The following MAN2A1 variants were observed in gnomAD, a reference collection of about 807,000 sequenced individuals.
MAN2A1 encodes alpha-mannosidase 2.
MAN2A1 carries 76 observed loss-of-function variants against 142.6 expected under a neutral mutation model. The ratio of observed to expected loss-of-function variants is 0.53; its 90% CI spans 0.44 to 0.65. MAN2A1 has a LOEUF of 0.65. Among genes scored for constraint, MAN2A1 ranks in the 30% least tolerant of loss-of-function variants. The pLI, the probability that MAN2A1 is intolerant of heterozygous loss-of-function variation, is 0.00. For synonymous variants in MAN2A1, 559 were observed against 473.2 expected (o/e 1.18, Z -2.35); for missense variants, 1,311 against 1,365.1 (o/e 0.96, Z 0.62).
chr5:109,724,207 C>A (rs1003257376), intron 3 of MAN2A1, among the ~76,000 whole-genome samples: 1 of 151,854 alleles, frequency 6.6e-6, no homozygotes, highest in Non-Finnish European at 1.5e-5. Context: ...GAAACCTGTT[C>A]GTCATTTTTT....
intron 21 of MAN2A1, among the ~76,000 whole-genome samples, chr5:109,866,359 C>T (rs1204831107): frequency 6.6e-6 from 1 of 152,110 alleles, no homozygotes; most frequent in Non-Finnish European, 1.5e-5. Flanking sequence ...ATGATCCCTC[C>T]TTGTAGTGAG....
chr5:109,802,095 T>C (rs1195556354), intron 12 of MAN2A1, among the ~76,000 whole-genome samples: 2 of 152,206 alleles, frequency 1.3e-5, no homozygotes, highest in Admixed American at 6.5e-5. Flanking sequence ...GTTCATATTT[T>C]CTTGCCTCTT....
chr5:109,727,229 T>G (rs1210032599), intron 3 of MAN2A1, among the ~76,000 whole-genome samples: 1 of 152,186 alleles, frequency 6.6e-6, no homozygotes, highest in Non-Finnish European at 1.5e-5. Flanking sequence ...ATTTGTTTTT[T>G]TCACAGTTCG....
intron 16 of MAN2A1, among the ~76,000 whole-genome samples, chr5:109,833,142 C>T (rs149589042): frequency 0.31 from 46,062 of 150,058 alleles, 7,424 homozygotes; most frequent in East Asian, 0.64. Context: ...CCTCACTTCC[C>T]AGAGGGGATG....
Position 109,818,296 on chromosome 5 carries a change from G to A in MAN2A1, c.2109+858G>A, listed in dbSNP as rs1580283736. Among the ~76,000 whole-genome samples the A allele has an allele frequency of 3.9e-5, 6 of 151,996 alleles. No homozygotes were observed. The South Asian group carries it at 1.0e-3, about 26-fold the overall frequency. The stretch of plus-strand genomic sequence containing the variant: ...TGGGATTACAGGCATGTGCCACCAC[G>A]CCTGGCTAATTTTGTATTTTTAGTA... On this transcript the variant is annotated intron_variant, in intron 13 of 21. Transcript: ENST00000261483.
intron 4 of MAN2A1, among the ~76,000 whole-genome samples, chr5:109,738,317 G>T (rs572605546): frequency 3.4e-5 from 5 of 147,672 alleles, no homozygotes; most frequent in Admixed American, 1.4e-4. Flanking sequence ...GACACTTCCC[G>T]AACGTCTACT....
chr5:109,833,196 G>A (rs1190061299), intron 16 of MAN2A1, among the ~76,000 whole-genome samples: 4 of 151,650 alleles, frequency 2.6e-5, no homozygotes, highest in East Asian at 3.9e-4. Flanking sequence ...CTGGGCGGCC[G>A]GGCAGAGGGG....
intron 8 of MAN2A1, among the ~76,000 whole-genome samples, chr5:109,779,570 C>A (rs935862891): frequency 9.8e-6 from 1 of 101,526 alleles, no homozygotes; most frequent in Non-Finnish European, 2.0e-5. Flanking sequence ...CGCGTGCACA[C>A]ACACACACAC....
chr5:109,697,745 A>G (rs11958013), intron 1 of MAN2A1, among the ~76,000 whole-genome samples: 2,151 of 152,294 alleles, frequency 0.014, 40 homozygotes, highest in African/African-American at 0.049. Context: ...AGTTTAAACT[A>G]TATTTCTCTA....
intron 16 of MAN2A1, among the ~76,000 whole-genome samples, chr5:109,833,434 G>A (rs536485716): frequency 6.6e-6 from 1 of 152,160 alleles, no homozygotes; most frequent in Non-Finnish European, 1.5e-5. Flanking sequence ...TCAGGAGGCC[G>A]AGGCTAGCAG....
intron 12 of MAN2A1, among the ~76,000 whole-genome samples, chr5:109,803,250 T>A (rs1376915805): frequency 6.6e-6 from 1 of 152,114 alleles, no homozygotes; most frequent in Non-Finnish European, 1.5e-5. Flanking sequence ...TTATATTTTT[T>A]ATTTTTATTT....
intron 12 of MAN2A1, among the ~76,000 whole-genome samples, chr5:109,810,873 G>A (rs922869777): frequency 6.6e-6 from 1 of 152,100 alleles, no homozygotes; most frequent in African/African-American, 2.4e-5. Context: ...ATTTCCCCTG[G>A]AAGTGGAAAC....
At chr5:109,808,623 T>G (rs1357383397) in intron 12 of MAN2A1, among the ~76,000 whole-genome samples, 1 of 152,066 alleles carries the variant, frequency 6.6e-6, no homozygotes, top group Non-Finnish European at 1.5e-5. Flanking sequence ...TAGTATTGTT[T>G]AGATATTTAC....
intron 7 of MAN2A1, among the ~76,000 whole-genome samples, 153 bp from the exon 8 acceptor site, chr5:109,774,630 TTTAAA>T (rs1393938446): frequency 1.3e-5 from 2 of 152,156 alleles, no homozygotes; most frequent in Admixed American, 1.3e-4. Flanking sequence ...AAAATCTGTC[TTTAAA>T]TTATACTAAC....
chr5:109,823,206 T>G (rs920414267), intron 15 of MAN2A1, among the ~76,000 whole-genome samples: 3 of 152,222 alleles, frequency 2.0e-5, no homozygotes, highest in Admixed American at 2.0e-4. Flanking sequence ...ATTCAGCTAG[T>G]TCTTTCAAGT....
chr5:109,838,794 A>G (rs1468898398), intron 16 of MAN2A1, among the ~76,000 whole-genome samples: 1 of 152,196 alleles, frequency 6.6e-6, no homozygotes, highest in Non-Finnish European at 1.5e-5. Context: ...TTGTGAATGG[A>G]CATAAAGGCT....
chr5:109,767,645 T>C lies in MAN2A1; in HGVS notation c.946T>C (p.Tyr316His). The stretch of plus-strand genomic sequence containing the variant: ...TCACATGCTTATCCAGAGAGTTCAT[T>C]ATGCAGTTAAAAAACACTTTGCACT... ...LSHMLIQRVH[Y>H]AVKKHFALHK... is the part of the protein sequence containing the mutation. The change falls in exon 6 of 22, where the codon TAT becomes CAT. Residue 316 changes from tyrosine to histidine, a missense_variant. Around this residue, in one of 3 missense-constraint regions of MAN2A1, gnomAD observed 409 missense variants for 412.7 expected, o/e 0.99. Transcript: ENST00000261483. The C allele has an allele frequency of 1.9e-6, 3 of 1,613,794 alleles. No homozygotes were observed. The highest frequency in any genetic ancestry group is 2.5e-6 in the Non-Finnish European group (3 of 1,179,756).
chr5:109,847,127 G>A (rs559568883), intron 18 of MAN2A1, among the ~76,000 whole-genome samples: 66 of 152,174 alleles, frequency 4.3e-4, no homozygotes, highest in African/African-American at 1.4e-3. Context: ...TCTTTGTGCC[G>A]TACATGACTC....
chr5:109,694,269 CAAGTGAGA>C (rs1196618324), intron 1 of MAN2A1, among the ~76,000 whole-genome samples: 1 of 151,868 alleles, frequency 6.6e-6, no homozygotes, highest in Admixed American at 6.6e-5. Flanking sequence ...TAACATTTAT[CAAGTGAGA>C]AAGTGAGAAT....
Sources: allele counts gnomAD v4.1 joint callset (sites outside exome capture counted in the v4.1 genomes callset), GRCh38; gene constraint gnomAD v4.1.1; regional missense constraint gnomAD v4.1.1; transcripts MANE v1.5; gene names NCBI Gene and HGNC (gene_info 2026-07-23, HGNC 2026-07-21).